Variants in DHTKD1 observed in about 807,000 individuals in gnomAD.
DHTKD1 encodes the protein dehydrogenase E1 and transketolase domain containing 1, also known as 2-oxoadipate dehydrogenase complex component E1.
Under a neutral mutation model 101.8 loss-of-function variants are expected in DHTKD1, and 78 were observed. The observed-to-expected ratio is 0.77, with a 90% CI of 0.64 to 0.93. DHTKD1 has a LOEUF of 0.93. DHTKD1 is among the 40% of genes least tolerant of loss of function. The probability of loss-of-function intolerance (pLI) is 0.00; values close to 1 mark genes in which losing one functional copy is unlikely to be tolerated. For missense variants in DHTKD1, 1,223 were observed against 1,161.7 expected (o/e 1.05, Z -0.77); for synonymous variants, 462 against 450.3 (o/e 1.03, Z -0.33).
At chr10:12,088,069 C>T (rs1372632918) in intron 4 of DHTKD1, among the ~76,000 whole-genome samples, 1 of 151,548 alleles carries the variant, frequency 6.6e-6, no homozygotes, top group African/African-American at 2.4e-5. Context: ...GCTATGATCT[C>T]ACCACTGCAC....
chr10:12,083,278 G>C (rs1832850896), intron 2 of DHTKD1, among the ~76,000 whole-genome samples: 1 of 106,614 alleles, frequency 9.4e-6, no homozygotes, highest in Non-Finnish European at 2.5e-5. Flanking sequence ...CATAGCTAAT[G>C]AGCTGCAAAA....
At chr10:12,075,487 G>A (rs746458360) in intron 1 of DHTKD1, among the ~76,000 whole-genome samples, 7 of 151,928 alleles carry the variant, frequency 4.6e-5, no homozygotes, top group African/African-American at 7.3e-5. Context: ...TGATCCGTCC[G>A]CCTCGGTCTA....
At chr10:12,101,930 G>C (rs1833176420) in intron 10 of DHTKD1, among the ~76,000 whole-genome samples, 1 of 152,158 alleles carries the variant, frequency 6.6e-6, no homozygotes, top group African/African-American at 2.4e-5. Context: ...CTGTGTGGCA[G>C]CCTCTGTGCC....
intron 4 of DHTKD1, among the ~76,000 whole-genome samples, chr10:12,088,245 C>T (rs987458562): frequency 6.6e-6 from 1 of 152,074 alleles, no homozygotes; most frequent in Non-Finnish European, 1.5e-5. Context: ...AGTGCTTGAG[C>T]CCAGGAGTTC....
chr10:12,078,035 C>A (rs528296306), intron 1 of DHTKD1, among the ~76,000 whole-genome samples: 107 of 151,924 alleles, frequency 7.0e-4, no homozygotes, highest in Non-Finnish European at 1.3e-3. Flanking sequence ...CTGCTACATG[C>A]CTCATGTTCT....
At position 12,107,058 on chromosome 10, in the gene DHTKD1, C is replaced by T. The variant is rs1235333905; in HGVS notation, c.2047+662C>T. Among the ~76,000 whole-genome samples the T allele has an allele frequency of 6.6e-6, 1 of 151,428 alleles. No homozygotes were observed. The highest frequency in any genetic ancestry group is 2.0e-4 in the East Asian group (1 of 5,124). On this transcript the variant is annotated intron_variant, in intron 11 of 16. Coordinates refer to ENST00000263035, the MANE Select transcript of DHTKD1 (RefSeq NM_018706.7). The surrounding 1 kb of genome is among the most constrained non-coding windows in gnomAD (Gnocchi z 4.1). ...GGAGTGCAGTGGTGCGATCTCGGCT[C>T]ACTGCAAGCTCCGCCTACTGGGTTT...
Position 12,081,655 on chromosome 10 carries a change from CT to C in DHTKD1, c.310+29del, listed in dbSNP as rs1295166272. Reference sequence around the variant, plus strand: ...ATGGCTTCTGCACAGCAGGCGGGAGCTCGGAGCTGCACACCAGGCCAGGCTC... The same window carrying C: ...ATGGCTTCTGCACAGCAGGCGGGAGCCGGAGCTGCACACCAGGCCAGGCTC... On this transcript the variant is annotated intron_variant, in intron 2 of 16. Transcript: ENST00000263035. 2.5e-6 allele frequency: 4 copies of C among 1,613,380 alleles called. No homozygotes were observed. The South Asian group carries it at 4.4e-5, about 18-fold the overall frequency.
At position 12,094,290 on chromosome 10, in the gene DHTKD1, G is replaced by A. The variant is rs760227108; in HGVS notation, c.1358+19G>A. On this transcript the variant is annotated intron_variant, in intron 7 of 16. Transcript: ENST00000263035. ...TCATCAGGTACAATTATAAACCCTT[G>A]TGTGATATGCCCCCTAAAAATTAAA... 37 of 1,598,442 alleles carry A rather than the reference G, an allele frequency of 2.3e-5. No individual in the cohort carries two copies. Among genetic ancestry groups the A allele is most frequent in the Non-Finnish European group, 2.9e-5 (34 of 1,165,796 alleles).
At chr10:12,119,614 T>C (rs1435499568) in intron 15 of DHTKD1, among the ~76,000 whole-genome samples, 1 of 54,080 alleles carries the variant, frequency 1.8e-5, no homozygotes, top group Non-Finnish European at 3.4e-5. Context: ...AGACTCCGTC[T>C]CAAAAAAAAA....
chr10:12,097,780 T>G lies in DHTKD1; in HGVS notation c.1455T>G (p.Tyr485Ter), dbSNP rs606231237. ...TGTCTGAAATAAAATCCTCCTACTA[T>G]GCCAAGTTGAATGATCACTTAAATA... ...EEVSEIKSSY[Y>*]AKLNDHLNNM... Residue 485 changes from tyrosine to a stop codon, truncating the protein, a stop_gained, in exon 8 of 17, where the codon TAT becomes TAG. Coordinates refer to ENST00000263035, the MANE Select transcript of DHTKD1 (RefSeq NM_018706.7). LOFTEE classifies it high-confidence loss of function. 3.1e-6 allele frequency: 5 copies of G among 1,614,212 alleles called. No individual in the cohort carries two copies. The South Asian group carries it at 3.3e-5, about 11-fold the overall frequency.
intron 2 of DHTKD1, among the ~76,000 whole-genome samples, chr10:12,082,184 CAATT>C (rs1436746547): frequency 6.6e-6 from 1 of 152,056 alleles, no homozygotes; most frequent in African/African-American, 2.4e-5. Context: ...TAGCATATGT[CAATT>C]TATTCTCAAA....
intron 8 of DHTKD1, 86 bp from the exon 9 acceptor site, chr10:12,100,092 G>T: frequency 1.4e-6 from 1 of 729,598 alleles, no homozygotes; most frequent in Non-Finnish European, 2.3e-6. Context: ...CACCATGCCT[G>T]GCCTGCATTA....
At chr10:12,112,302 G>A (rs781088023) in intron 12 of DHTKD1, among the ~76,000 whole-genome samples, 2 of 152,102 alleles carry the variant, frequency 1.3e-5, no homozygotes, top group Non-Finnish European at 2.9e-5. Context: ...GTGAGAGAAC[G>A]AGACTCTGTA....
chr10:12,105,346 C>T (rs575683423), intron 10 of DHTKD1, among the ~76,000 whole-genome samples: 1 of 152,072 alleles, frequency 6.6e-6, no homozygotes, highest in East Asian at 1.9e-4. Flanking sequence ...GACAGGATCT[C>T]ACTGTGTCAC....
At chr10:12,075,784 A>T (rs1386001894) in intron 1 of DHTKD1, among the ~76,000 whole-genome samples, 3 of 152,130 alleles carry the variant, frequency 2.0e-5, no homozygotes, top group African/African-American at 4.8e-5. Context: ...TTTTAATTTC[A>T]TTCTTTATTA....
In DHTKD1 at chr10:12,113,042, C is replaced by T; in HGVS notation, c.2297C>T (p.Pro766Leu). The change falls in exon 13 of 17, where the codon CCT (proline) becomes CTT (leucine). Residue 766 changes from proline to leucine, a missense_variant. Coordinates refer to ENST00000263035, the MANE Select transcript of DHTKD1 (RefSeq NM_018706.7). The stretch of plus-strand genomic sequence containing the variant: ...AGAAAACCACTCATTGTTGCTTCCC[C>T]TAAGATGTTACTCAGGCTCCCGGTA... The part of the protein sequence containing the change: ...NFRKPLIVAS[P>L]KMLLRLPAAV... 1 of 1,611,648 alleles carries T rather than the reference C, an allele frequency of 6.2e-7. No homozygotes were observed. The highest frequency in any genetic ancestry group is 2.2e-5 in the East Asian group (1 of 44,718).
chr10:12,095,316 A>G (rs944636279), intron 7 of DHTKD1, among the ~76,000 whole-genome samples: 1 of 152,220 alleles, frequency 6.6e-6, no homozygotes, highest in Non-Finnish European at 1.5e-5. Context: ...TATAAACCCA[A>G]AATAATATTT....
At chr10:12,080,124 G>A (rs546895090) in intron 1 of DHTKD1, among the ~76,000 whole-genome samples, 8 of 151,744 alleles carry the variant, frequency 5.3e-5, no homozygotes, top group Non-Finnish European at 1.2e-4. Flanking sequence ...ACTAAAAATA[G>A]AAAAAATTAG....
At position 12,070,139 on chromosome 10, in the gene DHTKD1, C is replaced by T. The variant is rs1276076007; in HGVS notation, c.154+952C>T. ...TTTCTTTCTTTTCCTTTTAGCCACT[C>T]TATTGACACCTTGATATGTGCTGGT... is the stretch of plus-strand genomic sequence containing the variant. On this transcript the variant is annotated intron_variant, in intron 1 of 16. Transcript: ENST00000263035. 6.6e-5 allele frequency among the ~76,000 whole-genome samples: 10 copies of T among 152,266 alleles called. No homozygotes were observed. In the East Asian group the frequency reaches 1.9e-3, roughly 29 times the overall value.
Sources: allele counts gnomAD v4.1 joint callset (sites outside exome capture counted in the v4.1 genomes callset), GRCh38; gene constraint gnomAD v4.1.1; non-coding constraint Gnocchi (gnomAD v3.1); transcripts MANE v1.5; gene names NCBI Gene and HGNC (gene_info 2026-07-23, HGNC 2026-07-21).